The following CNGB1 variants were observed in gnomAD, a reference collection of about 807,000 sequenced individuals.
CNGB1 encodes the protein cyclic nucleotide-gated channel beta-1.
In CNGB1, 126 loss-of-function variants were observed where a neutral mutation model predicts 151.7. That is an observed-to-expected ratio of 0.83 (90% CI 0.72 to 0.96). CNGB1 has a LOEUF of 0.96. Ranked by LOEUF, CNGB1 falls within the 40% of genes least tolerant of loss-of-function variation. The pLI, the probability that CNGB1 is intolerant of heterozygous loss-of-function variation, is 0.00. For missense variants in CNGB1, 1,698 were observed against 1,627.0 expected (o/e 1.04, Z -0.75); for synonymous variants, 623 against 635.1 (o/e 0.98, Z 0.29).
Position 57,963,373 on chromosome 16 carries a change from G to A in CNGB1, c.291-309C>T, listed in dbSNP as rs150447118. Reference sequence around the variant, plus strand: ...GATGCTTCATGAGGCCAGGCAGACCGGGTGCCATTCAGAGCCCACCCTCCA... The same window carrying A: ...GATGCTTCATGAGGCCAGGCAGACCAGGTGCCATTCAGAGCCCACCCTCCA... On this transcript the variant is annotated intron_variant, in intron 4 of 32. Transcript: ENST00000251102. 1.7e-3 allele frequency among the ~76,000 whole-genome samples: 261 copies of A among 152,276 alleles called. 1 individual carries two copies. The highest frequency in any genetic ancestry group is 5.1e-3 in the African/African-American group (213 of 41,562).
chr16:57,906,921 C>T (rs758546971), intron 25 of CNGB1, among the ~76,000 whole-genome samples: 1 of 151,948 alleles, frequency 6.6e-6, no homozygotes, highest in Admixed American at 6.6e-5. Flanking sequence ...GGGCGGGATG[C>T]AGGGCCTAGC....
At chr16:57,953,859 G>C (rs1171895553) in intron 12 of CNGB1, among the ~76,000 whole-genome samples, 1 of 151,738 alleles carries the variant, frequency 6.6e-6, no homozygotes, top group African/African-American at 2.4e-5. Context: ...ACCATTGCTT[G>C]GTCATCAAAG....
rs1254782728 is a variant in CNGB1 at position 57,962,616 on chromosome 16, G to C, written c.413-6C>G. The C allele has an allele frequency of 6.2e-7, 1 of 1,613,854 alleles. No homozygotes were observed. Among genetic ancestry groups the C allele is most frequent in the Admixed American group, 1.7e-5 (1 of 60,026 alleles). ...ATTGGGTTCATCTGTGCACCCTGCA[G>C]GGTCAGAAAATACAGAAAGGCAGTC... On this transcript the variant is annotated splice_polypyrimidine_tract_variant and splice_region_variant and intron_variant, in intron 6 of 32. Transcript: ENST00000251102.
intron 9 of CNGB1, 117 bp downstream of exon 9, chr16:57,960,365 C>T (rs1281843240): frequency 3.7e-5 from 51 of 1,361,370 alleles, no homozygotes; most frequent in Admixed American, 5.9e-5. Flanking sequence ...CCCTGAACCC[C>T]GTCCTAGTCT....
In CNGB1 at chr16:57,897,494, G is replaced by A. The variant is rs1960264486; in HGVS notation, c.3145C>T (p.His1049Tyr). The change falls in exon 31 of 33, where the codon CAC becomes TAC. Residue 1049 changes from histidine (H) to tyrosine (Y), a missense_variant. Physicochemically the swap from His to Tyr is moderately conservative, Grantham distance 83. Transcript: ENST00000251102. ...GNRRTANVVAHGFTNLFILDK... is the reference protein window; with the variant it reads ...GNRRTANVVAYGFTNLFILDK... ...AGGATGAAGAGGTTGGTAAACCCGTGCGCCACCACGTTGGCCGTGCGCCGG... is the reference window on the plus strand; with the variant it reads ...AGGATGAAGAGGTTGGTAAACCCGTACGCCACCACGTTGGCCGTGCGCCGG... 1 of 1,613,924 alleles carries A rather than the reference G, an allele frequency of 6.2e-7. No homozygotes were observed. The highest frequency in any genetic ancestry group is 8.5e-7 in the Non-Finnish European group (1 of 1,179,970).
intron 20 of CNGB1, among the ~76,000 whole-genome samples, chr16:57,918,198 C>G (rs1230729121): frequency 1.3e-5 from 2 of 151,810 alleles, no homozygotes; most frequent in African/African-American, 4.8e-5. Context: ...TGATCTTGAA[C>G]TCCTGGGCTC....
intron 25 of CNGB1, among the ~76,000 whole-genome samples, chr16:57,907,406 C>T (rs554111894): frequency 2.0e-5 from 3 of 152,232 alleles, no homozygotes; most frequent in Non-Finnish European, 4.4e-5. Flanking sequence ...GTTTGTGACC[C>T]CCTAAAATCT....
intron 16 of CNGB1, 75 bp downstream of exon 16, chr16:57,939,355 G>T: frequency 1.2e-6 from 2 of 1,601,890 alleles, no homozygotes; most frequent in Middle Eastern, 1.7e-4. Context: ...GGTTGCCCCT[G>T]CACGAAGGCT....
chr16:57,888,554 G>C (rs906980789), intron 31 of CNGB1, among the ~76,000 whole-genome samples: 18 of 152,004 alleles, frequency 1.2e-4, no homozygotes, highest in Admixed American at 2.6e-4. Flanking sequence ...CTGCAGCCTT[G>C]ACCTCCATGG....
At chr16:57,949,575 G>T (rs1403903100) in intron 13 of CNGB1, 136 bp from the exon 14 acceptor site, 3 of 1,433,862 alleles carry the variant, frequency 2.1e-6, no homozygotes, top group African/African-American at 2.8e-5. Flanking sequence ...GCTCAACCTG[G>T]GGAGCCCCAC....
intron 17 of CNGB1, among the ~76,000 whole-genome samples, chr16:57,928,178 C>A (rs1462298598): frequency 6.6e-6 from 1 of 152,236 alleles, no homozygotes; most frequent in Non-Finnish European, 1.5e-5. Flanking sequence ...AGCCTTCTCC[C>A]AGGCACCTGG....
In CNGB1 at chr16:57,923,305, G is replaced by A; in HGVS notation, c.1611C>T (p.Ala537=). Residue 537 remains alanine (A), a synonymous_variant, in exon 18 of 33, where the codon GCC becomes GCT. Coordinates refer to ENST00000251102, the MANE Select transcript of CNGB1 (RefSeq NM_001297.5). ...ALSPAESPVV[A]WSDPTTPKDT... ...CCTTCGGGGTGGTGGGGTCAGACCA[G>A]GCAACCACTGGGGACTCTGCTGGTG... The A allele has an allele frequency of 6.2e-7, 1 of 1,610,858 alleles. No homozygotes were observed.
chr16:57,885,788 T>G (rs1369261754), intron 32 of CNGB1, among the ~76,000 whole-genome samples: 2 of 151,668 alleles, frequency 1.3e-5, no homozygotes, highest in Admixed American at 1.3e-4. Flanking sequence ...AGAGATGGGG[T>G]TTTACATGTT....
At chr16:57,969,343 G>C (rs1439207763) in intron 1 of CNGB1, among the ~76,000 whole-genome samples, 1 of 152,074 alleles carries the variant, frequency 6.6e-6, no homozygotes, top group East Asian at 1.9e-4. Context: ...GGCTGGGCAT[G>C]GTGTGGCTCA....
intron 31 of CNGB1, among the ~76,000 whole-genome samples, chr16:57,891,387 G>C (rs1205481998): frequency 6.6e-6 from 1 of 152,094 alleles, no homozygotes; most frequent in African/African-American, 2.4e-5. Context: ...TTCACACACA[G>C]TCCCAGAACA....
chr16:57,958,609 G>C, intron 10 of CNGB1, 124 bp from the exon 11 acceptor site: 2 of 800,134 alleles, frequency 2.5e-6, no homozygotes, highest in Non-Finnish European at 4.2e-6. Flanking sequence ...CCAGGAGCCA[G>C]AGCCCAGGTC....
At position 57,917,306 on chromosome 16, in the gene CNGB1, G is replaced by A. The variant is rs754786301; in HGVS notation, c.2128C>T (p.Gln710Ter). The change falls in exon 21 of 33, where the codon CAG (glutamine) becomes TAG (stop). Residue 710 changes from glutamine (Q) to a stop codon, truncating the protein, a stop_gained. Transcript: ENST00000251102. LOFTEE classifies it high-confidence loss of function. ...CCTCTGACAAACTGCAGGCGTGTCTGGAACACGGTGATGTCCAGGAAGTAG... is the reference window on the plus strand; with the variant it reads ...CCTCTGACAAACTGCAGGCGTGTCTAGAACACGGTGATGTCCAGGAAGTAG... ...LIYFLDITVF[Q>*]TRLQFVRGGD... The A allele has an allele frequency of 1.2e-6, 2 of 1,613,996 alleles. No homozygotes were observed. Among genetic ancestry groups the A allele is most frequent in the African/African-American group, 2.7e-5 (2 of 74,902 alleles).
chr16:57,947,392 C>G (rs1961836793), intron 14 of CNGB1, among the ~76,000 whole-genome samples: 1 of 152,164 alleles, frequency 6.6e-6, no homozygotes, highest in Admixed American at 6.5e-5. Context: ...CCATAGAAAG[C>G]AGAGGGCAAA....
At chr16:57,969,811 C>A (rs920153549) in intron 1 of CNGB1, among the ~76,000 whole-genome samples, 1 of 152,180 alleles carries the variant, frequency 6.6e-6, no homozygotes, top group Non-Finnish European at 1.5e-5. Context: ...CTGGCCAGTG[C>A]GCAGCGTGCA....
Sources: allele counts gnomAD v4.1 joint callset (sites outside exome capture counted in the v4.1 genomes callset), GRCh38; gene constraint gnomAD v4.1.1; transcripts MANE v1.5; gene names NCBI Gene and HGNC (gene_info 2026-07-23, HGNC 2026-07-21).